The following L3MBTL1 variants were observed in gnomAD, a reference collection of about 807,000 sequenced individuals.
L3MBTL1 encodes the protein lethal(3)malignant brain tumor-like protein 1.
L3MBTL1 carries 75 observed loss-of-function variants against 105.3 expected under a neutral mutation model. That is an observed-to-expected ratio of 0.71 (90% CI 0.59 to 0.86). The LOEUF is 0.86. Ranked by LOEUF, L3MBTL1 falls within the 40% of genes least tolerant of loss-of-function variation. L3MBTL1 has a pLI of 0.00. For synonymous variants in L3MBTL1, 452 were observed against 436.2 expected, an observed-to-expected ratio of 1.04 and a Z score of -0.45; for missense variants, 1,069 against 1,126.4, an observed-to-expected ratio of 0.95 and a Z score of 0.73.
At chr20:43,542,376 T>A (rs1347478512), downstream of L3MBTL1, among the ~76,000 whole-genome samples, 1 of 152,178 alleles carries the variant, frequency 6.6e-6, no homozygotes, top group Admixed American at 6.5e-5. Context: ...CTTCTCTTCA[T>A]GTACGTGTCC....
chr20:43,540,767 T>G lies in L3MBTL1; in HGVS notation c.2346T>G (p.Val782=). 6.2e-7 allele frequency: 1 copy of G among 1,614,198 alleles called. No homozygotes were observed. The highest frequency in any genetic ancestry group is 8.5e-7 in the Non-Finnish European group (1 of 1,180,036). The change falls in exon 21 of 22, where the codon GTT becomes GTG. Residue 782 remains valine, a synonymous_variant. Transcript: ENST00000418998. ...TGGTTTCCAAGGTCTTCGGCTTTGTTCAGACCCTGACAGGTTGTGAGGACC... is the reference window on the plus strand; with the variant it reads ...TGGTTTCCAAGGTCTTCGGCTTTGTGCAGACCCTGACAGGTTGTGAGGACC... ...KWTIDEVFGF[V]QTLTGCEDQA...
rs1374345173 is a variant in L3MBTL1, at chr20:43,541,394, A to T, written c.*266A>T. 6.3e-6 allele frequency: 3 copies of T among 476,092 alleles called. No homozygotes were observed. Among genetic ancestry groups the T allele is most frequent in the Non-Finnish European group, 1.1e-5 (3 of 273,998 alleles). 29.5% of individuals were successfully genotyped at this position (476,092 alleles called of 1,614,324 possible). Reference sequence around the variant, plus strand: ...AGATAAAATGGGTTTAATGAGGTCTACCTTGCAGAGCCATTGTGAGCATTG... The same window carrying T: ...AGATAAAATGGGTTTAATGAGGTCTTCCTTGCAGAGCCATTGTGAGCATTG... On this transcript the variant is annotated 3_prime_UTR_variant, in exon 22 of 22. Transcript: ENST00000418998.
chr20:43,540,324 C>G lies in L3MBTL1; in HGVS notation c.2331+16C>G, dbSNP rs369985814. 13 of 1,609,536 alleles carry G rather than the reference C, an allele frequency of 8.1e-6. No homozygotes were observed. The highest frequency in any genetic ancestry group is 1.0e-5 in the Non-Finnish European group (12 of 1,177,428). On this transcript the variant is annotated intron_variant, in intron 20 of 21. Transcript: ENST00000418998. ...CATCGATGAGGTGAGGAGCGAGGGCCCTTCTTTATCCTTCTCTTCCTCTCC... is the reference window on the plus strand; with the variant it reads ...CATCGATGAGGTGAGGAGCGAGGGCGCTTCTTTATCCTTCTCTTCCTCTCC...
At chr20:43,549,415 C>A (rs1268791687) in exon 19 of L3MBTL1, 2 of 151,396 alleles carry the variant, frequency 1.3e-5, no homozygotes, top group Non-Finnish European at 2.9e-5. Context: ...GTGAACTTTT[C>A]TATCTGAATT....
At chr20:43,547,157 T>C (rs1400265457) in intron 18 of L3MBTL1, among the ~76,000 whole-genome samples, 1 of 145,472 alleles carries the variant, frequency 6.9e-6, no homozygotes, top group Admixed American at 7.2e-5. Context: ...CAGGCTGGAG[T>C]GCAGTGGCGC....
rs766674135 is a variant in L3MBTL1 at position 43,532,769 on chromosome 20, C to T, written c.1285-4C>T. ...GGCCGTGGCAGCTCCTTTTTTTCCC[C>T]TAGAGTCCCCCACCCCTGGGCTTCC... On this transcript the variant is annotated splice_region_variant and splice_polypyrimidine_tract_variant and intron_variant, in intron 11 of 21. Transcript: ENST00000418998. The T allele has an allele frequency of 1.2e-6, 2 of 1,614,020 alleles. No homozygotes were observed. Among genetic ancestry groups the T allele is most frequent in the East Asian group, 4.5e-5 (2 of 44,878 alleles).
Position 43,515,524 on chromosome 20 carries a change from A to G in L3MBTL1, c.777+109A>G, listed in dbSNP as rs969954566. On this transcript the variant is annotated intron_variant, in intron 6 of 21. Coordinates refer to ENST00000418998, the MANE Select transcript of L3MBTL1 (RefSeq NM_001377303.1). The stretch of plus-strand genomic sequence containing the variant: ...TGGAGCTGGGCCAGAGAAGACACGC[A>G]TAATGACTCACTCATCATATTTTGG... 1.2e-5 allele frequency: 16 copies of G among 1,389,586 alleles called. No homozygotes were observed. The South Asian group carries it at 1.5e-4, about 13-fold the overall frequency. 86.1% of individuals were successfully genotyped at this position (1,389,586 alleles called of 1,614,324 possible). A position where few individuals can be genotyped will look rare whatever the true frequency, so the allele number is the denominator to read the frequency against.
At chr20:43,537,613 C>T (rs375355557) in intron 19 of L3MBTL1, among the ~76,000 whole-genome samples, 1 of 152,150 alleles carries the variant, frequency 6.6e-6, no homozygotes, top group African/African-American at 2.4e-5. Flanking sequence ...CATACTTCAG[C>T]GGGAGGGGCA....
At chr20:43,517,555 A>G (rs2018467083) in intron 7 of L3MBTL1, among the ~76,000 whole-genome samples, 1 of 152,320 alleles carries the variant, frequency 6.6e-6, no homozygotes, top group South Asian at 2.1e-4. Flanking sequence ...GGCATGTGCC[A>G]TTGCACTTGG....
At position 43,531,132 on chromosome 20, in the gene L3MBTL1, A is replaced by G. The variant is rs2019315102; in HGVS notation, c.1284+243A>G. On this transcript the variant is annotated intron_variant, in intron 11 of 21. Transcript: ENST00000418998. ...GCTACTGCAGATACCCTGTCCTCAC[A>G]TCCCCTTGGAGCCCCTGGCCCACTA... 5.8e-6 allele frequency: 3 copies of G among 518,478 alleles called. No individual in the cohort carries two copies. The South Asian group carries it at 7.6e-5, about 13-fold the overall frequency. 32.1% of individuals were successfully genotyped at this position (518,478 alleles called of 1,614,324 possible).
In L3MBTL1 at chr20:43,541,160, G is replaced by C. The variant is rs200273004; in HGVS notation, c.*32G>C. The C allele has an allele frequency of 1.0e-5, 16 of 1,598,438 alleles. No homozygotes were observed. The highest frequency in any genetic ancestry group is 1.4e-5 in the Non-Finnish European group (16 of 1,168,834). The stretch of plus-strand genomic sequence containing the variant: ...CTTTTTTCCCCTTTAATCCAATATA[G>C]TTGATAATTAAAGTGTATTTTGAAT... On this transcript the variant is annotated 3_prime_UTR_variant, in exon 22 of 22. Transcript: ENST00000418998.
intron 7 of L3MBTL1, among the ~76,000 whole-genome samples, chr20:43,522,376 GATATA>G (rs1366304867): frequency 1.4e-5 from 2 of 145,576 alleles, no homozygotes; most frequent in African/African-American, 5.0e-5. Context: ...ACAGAAAGAA[GATATA>G]ATATCAATAC....
chr20:43,530,689 T>C, intron 10 of L3MBTL1, 109 bp from the exon 11 acceptor site: 5 of 1,039,478 alleles, frequency 4.8e-6, no homozygotes, highest in Non-Finnish European at 5.9e-6. Context: ...TTCTTGAGGG[T>C]TGGGGGGAGG....
At chr20:43,543,155 A>C (rs1331491410), downstream of L3MBTL1, among the ~76,000 whole-genome samples, 1 of 151,422 alleles carries the variant, frequency 6.6e-6, no homozygotes, top group Non-Finnish European at 1.5e-5. Context: ...CCACCCTATT[A>C]AATGTTATCT....
chr20:43,528,430 C>T (rs1383760760), intron 7 of L3MBTL1, among the ~76,000 whole-genome samples: 2 of 152,126 alleles, frequency 1.3e-5, no homozygotes, highest in African/African-American at 4.8e-5. Flanking sequence ...GTGGCCTGAG[C>T]GGGTGGGGGG....
In L3MBTL1 at chr20:43,522,456, A is replaced by ATTTTTTTTTTTTTTTTTTT. The variant is rs778355165; in HGVS notation, c.863-6201_863-6200insTTTTTTTTTTTTTTTTTTT. On this transcript the variant is annotated intron_variant, in intron 7 of 21. Coordinates refer to ENST00000418998, the MANE Select transcript of L3MBTL1 (RefSeq NM_001377303.1). ...ATGGTAACTGAATTTTTCCCTGCTA[A>ATTTTTTTTTTTTTTTTTTT]GTTTTTTTTTTTTTTTTTTTTTTTT... is the stretch of plus-strand genomic sequence containing the variant. 1.1e-4 allele frequency among the ~76,000 whole-genome samples: 10 copies of ATTTTTTTTTTTTTTTTTTT among 89,874 alleles called. 2 individuals are homozygous for ATTTTTTTTTTTTTTTTTTT. The highest frequency in any genetic ancestry group is 7.3e-5 in the African/African-American group (2 of 27,454). The allele number at this position is 89,874 out of a possible 152,430, so 59.0% of individuals were successfully genotyped here. A position where few individuals can be genotyped will look rare whatever the true frequency, so the allele number is the denominator to read the frequency against.
chr20:43,534,630 C>T (rs1600948241), intron 15 of L3MBTL1, 198 bp from the exon 16 acceptor site: 1 of 607,812 alleles, frequency 1.6e-6, no homozygotes, highest in Non-Finnish European at 2.9e-6. Context: ...TAAGGATTGC[C>T]AGTGGGAGAT....
chr20:43,511,497 T>A (rs2018133628), intron 1 of L3MBTL1, among the ~76,000 whole-genome samples: 1 of 152,084 alleles, frequency 6.6e-6, no homozygotes, highest in Non-Finnish European at 1.5e-5. Context: ...AATTCCTTGG[T>A]CAGGCCGGAC....
intron 13 of L3MBTL1, 135 bp from the exon 14 acceptor site, chr20:43,533,873 G>T: frequency 1.4e-6 from 1 of 703,874 alleles, no homozygotes. Flanking sequence ...AGTGCAAGGA[G>T]CTGGCTGTGG....
Sources: allele counts gnomAD v4.1 joint callset (sites outside exome capture counted in the v4.1 genomes callset), GRCh38; gene constraint gnomAD v4.1.1; transcripts MANE v1.5; gene names NCBI Gene and HGNC (gene_info 2026-07-23, HGNC 2026-07-21).